The following ST18 variants were observed in gnomAD, a reference collection of about 807,000 sequenced individuals.
The protein encoded by ST18 is ST18 C2H2C-type zinc finger transcription factor, also known as suppression of tumorigenicity 18 protein.
In ST18, 50 loss-of-function variants were observed where a neutral mutation model predicts 110.0. That is an observed-to-expected ratio of 0.45 (90% confidence interval 0.36 to 0.58). The LOEUF is 0.58. Among genes scored for constraint, ST18 ranks in the 20% least tolerant of loss-of-function variants. ST18 has a pLI of 0.00. For synonymous variants in ST18, 461 were observed against 452.4 expected (o/e 1.02, Z -0.24); for missense variants, 1,306 against 1,280.1 (o/e 1.02, Z -0.31).
chr8:52,242,357 C>G (rs1589168643), intron 2 of ST18, among the ~76,000 whole-genome samples: 1 of 152,152 alleles, frequency 6.6e-6, no homozygotes, highest in Non-Finnish European at 1.5e-5. Flanking sequence ...CTGCACACCC[C>G]CTCTGGGGGC....
At chr8:52,152,526 C>T (rs1587078609) in intron 15 of ST18, among the ~76,000 whole-genome samples, 1 of 152,318 alleles carries the variant, frequency 6.6e-6, no homozygotes, top group Middle Eastern at 3.4e-3. Flanking sequence ...TTAGAGGGGA[C>T]ATCCCAGGCC....
chr8:52,364,404 C>T (rs1827007125), intron 2 of ST18, among the ~76,000 whole-genome samples: 1 of 152,170 alleles, frequency 6.6e-6, no homozygotes, highest in Non-Finnish European at 1.5e-5. Context: ...TCGCTGCATT[C>T]CATATCTTTG....
chr8:52,128,454 A>G (rs2047943207), intron 22 of ST18, among the ~76,000 whole-genome samples: 1 of 152,212 alleles, frequency 6.6e-6, no homozygotes, highest in African/African-American at 2.4e-5. Context: ...ACAAACATCC[A>G]TAATTGTGTG....
chr8:52,171,660 T>C (rs2065007758), intron 10 of ST18, 132 bp downstream of exon 10: 1 of 929,848 alleles, frequency 1.1e-6, no homozygotes, highest in Non-Finnish European at 1.7e-6. Context: ...TTGTTTATTT[T>C]ATAATTATAA....
chr8:52,401,492 C>T lies in ST18; in HGVS notation c.-465+7836G>A, dbSNP rs971587226. Among the ~76,000 whole-genome samples, 21 of 152,118 alleles carry T rather than the reference C, an allele frequency of 1.4e-4. No individual in the cohort carries two copies. In the East Asian group the frequency reaches 4.1e-3, roughly 29 times the overall value. On this transcript the variant is annotated intron_variant, in intron 2 of 25. Transcript: ENST00000689386. ...TCACTTAATGAGTGTCTTATAAATC[C>T]CATAGGCTTTCCTCACTCTTTTTTC...
intron 2 of ST18, among the ~76,000 whole-genome samples, chr8:52,243,246 T>C (rs1363680448): frequency 1.3e-5 from 2 of 152,220 alleles, no homozygotes; most frequent in Admixed American, 6.5e-5. Flanking sequence ...AAAAAGTTCA[T>C]GGAGTTATAG....
At chr8:52,327,058 A>C (rs1203363981) in intron 2 of ST18, among the ~76,000 whole-genome samples, 1 of 152,232 alleles carries the variant, frequency 6.6e-6, no homozygotes, top group African/African-American at 2.4e-5. Context: ...TACTTGGTCC[A>C]CAGTTGCTTG....
intron 2 of ST18, among the ~76,000 whole-genome samples, chr8:52,271,692 C>T (rs886492039): frequency 6.6e-6 from 1 of 152,184 alleles, no homozygotes; most frequent in Non-Finnish European, 1.5e-5. Context: ...ACATATTCTC[C>T]TTTAAGTCAT....
At chr8:52,372,403 T>C (rs1291061726) in intron 2 of ST18, among the ~76,000 whole-genome samples, 1 of 152,212 alleles carries the variant, frequency 6.6e-6, no homozygotes, top group African/African-American at 2.4e-5. Flanking sequence ...CTACGGTTAA[T>C]TTATTACTGA....
intron 2 of ST18, among the ~76,000 whole-genome samples, chr8:52,300,132 A>T (rs2095695420): frequency 6.6e-6 from 1 of 152,214 alleles, no homozygotes; most frequent in Non-Finnish European, 1.5e-5. Flanking sequence ...AAACACAAAT[A>T]ATCCAGCTTT....
At chr8:52,402,897 C>T (rs1843224948) in intron 2 of ST18, among the ~76,000 whole-genome samples, 1 of 152,184 alleles carries the variant, frequency 6.6e-6, no homozygotes, top group South Asian at 2.1e-4. Flanking sequence ...CACATCAGCT[C>T]AGCACTATGG....
intron 16 of ST18, among the ~76,000 whole-genome samples, chr8:52,144,029 G>T (rs550322092): frequency 6.6e-6 from 1 of 152,104 alleles, no homozygotes; most frequent in South Asian, 2.1e-4. Flanking sequence ...TTTCTTGTTG[G>T]ATATTCCTAA....
chr8:52,362,760 A>T (rs1353216991), intron 2 of ST18, among the ~76,000 whole-genome samples: 2 of 152,180 alleles, frequency 1.3e-5, no homozygotes, highest in Non-Finnish European at 2.9e-5. Flanking sequence ...AGATTTCTCC[A>T]GGCTATTCCT....
rs374833831 is a variant in ST18 at position 52,133,089 on chromosome 8, A to G, written c.2412T>C (p.Pro804=). The G allele has an allele frequency of 4.7e-5, 76 of 1,614,028 alleles. No homozygotes were observed. In the African/African-American group the frequency reaches 9.7e-4, roughly 21 times the overall value. ...CAGGGTCTTCTTTTTCTTCCTTGGT[A>G]GGGGTCATTTTGACACCACCTTTCC... ...RARKGGVKMT[P]TKEEKEDPEL... is the part of the protein sequence containing the mutation. Residue 804 remains proline, a synonymous_variant, in exon 21 of 26, where the codon CCT becomes CCC. Transcript: ENST00000689386.
At chr8:52,325,113 C>A (rs1001766652) in intron 2 of ST18, among the ~76,000 whole-genome samples, 2 of 151,766 alleles carry the variant, frequency 1.3e-5, no homozygotes, top group South Asian at 4.2e-4. Context: ...ATGTTCTGAG[C>A]AAATTATGAG....
intron 9 of ST18, among the ~76,000 whole-genome samples, chr8:52,177,825 A>G (rs974288208): frequency 7.2e-5 from 11 of 152,216 alleles, no homozygotes; most frequent in Non-Finnish European, 8.8e-5. Flanking sequence ...TTGGTCCCCA[A>G]TGATTTCATC....
chr8:52,393,193 T>C (rs1045165849), intron 2 of ST18, among the ~76,000 whole-genome samples: 1 of 152,164 alleles, frequency 6.6e-6, no homozygotes, highest in African/African-American at 2.4e-5. Context: ...TGTGGTACAA[T>C]CCACACATCT....
chr8:52,169,698 C>G (rs890554190), intron 10 of ST18, among the ~76,000 whole-genome samples: 1 of 152,126 alleles, frequency 6.6e-6, no homozygotes, highest in African/African-American at 2.4e-5. Context: ...GATCCCACAT[C>G]GGGAACAAGG....
intron 2 of ST18, among the ~76,000 whole-genome samples, chr8:52,233,425 A>G (rs1378353067): frequency 6.6e-6 from 1 of 152,162 alleles, no homozygotes; most frequent in Non-Finnish European, 1.5e-5. Flanking sequence ...TAGGAGTACA[A>G]ACACCAGGGT....
Sources: allele counts gnomAD v4.1 joint callset (sites outside exome capture counted in the v4.1 genomes callset), GRCh38; gene constraint gnomAD v4.1.1; transcripts MANE v1.5; gene names NCBI Gene and HGNC (gene_info 2026-07-23, HGNC 2026-07-21).